MSH4: variants seen among roughly 807,000 people sequenced by gnomAD.
The protein encoded by MSH4 is mutS homolog 4.
A neutral mutation model predicts 113.7 loss-of-function variants in MSH4; 106 were observed. That is an observed-to-expected ratio of 0.93 (90% CI 0.80 to 1.10). MSH4 has a LOEUF of 1.10. Among genes scored for constraint, MSH4 ranks in the 50% least tolerant of loss-of-function variants. The pLI, the probability that MSH4 is intolerant of heterozygous loss-of-function variation, is 0.00. For missense variants in MSH4, 1,061 were observed against 1,093.7 expected, an observed-to-expected ratio of 0.97 and a Z score of 0.42; for synonymous variants, 368 against 380.2, an observed-to-expected ratio of 0.97 and a Z score of 0.37.
chr1:75,855,637 C>T (rs1651299541), intron 8 of MSH4, among the ~76,000 whole-genome samples: 1 of 152,120 alleles, frequency 6.6e-6, no homozygotes, highest in South Asian at 2.1e-4. Flanking sequence ...TGTGTTTCCT[C>T]TTCAAATGGT....
At chr1:75,848,380 G>C in intron 8 of MSH4, 104 bp downstream of exon 8, 1 of 888,814 alleles carries the variant, frequency 1.1e-6, no homozygotes. Flanking sequence ...TTTTGGGAAA[G>C]TCCTTCATTA....
intron 7 of MSH4, among the ~76,000 whole-genome samples, chr1:75,830,297 C>A (rs552521492): frequency 2.0e-5 from 3 of 152,034 alleles, no homozygotes; most frequent in Non-Finnish European, 2.9e-5. Context: ...TGTGAAAAAA[C>A]CAAATCTACA....
chr1:75,870,642 T>C lies in MSH4; in HGVS notation c.1305+3054T>C, dbSNP rs150602757. 1.5e-3 allele frequency among the ~76,000 whole-genome samples: 228 copies of C among 152,312 alleles called. 2 individuals carry two copies. The highest frequency in any genetic ancestry group is 5.3e-3 in the African/African-American group (221 of 41,554). Reference sequence around the variant, plus strand: ...CACATGTTCTTCTTGCCTGCTGCCATGTAAAACATGACTTTGCTCCTTATT... The same window carrying C: ...CACATGTTCTTCTTGCCTGCTGCCACGTAAAACATGACTTTGCTCCTTATT... On this transcript the variant is annotated intron_variant, in intron 9 of 19. Coordinates refer to ENST00000263187, the MANE Select transcript of MSH4 (RefSeq NM_002440.4).
At chr1:75,903,123 A>G (rs1652546844) in intron 19 of MSH4, among the ~76,000 whole-genome samples, 1 of 151,838 alleles carries the variant, frequency 6.6e-6, no homozygotes, top group Non-Finnish European at 1.5e-5. Context: ...CTTTGCCCAC[A>G]TTAATATCCT....
chr1:75,799,484 A>G (rs1278884082), intron 1 of MSH4, among the ~76,000 whole-genome samples: 1 of 152,236 alleles, frequency 6.6e-6, no homozygotes, highest in Non-Finnish European at 1.5e-5. Context: ...AGGTATAATT[A>G]AAGTATGGGG....
At chr1:75,816,290 A>T in intron 5 of MSH4, 83 bp from the exon 6 acceptor site, 1 of 969,174 alleles carries the variant, frequency 1.0e-6, no homozygotes, top group Non-Finnish European at 1.4e-6. Flanking sequence ...ATGCTATGCA[A>T]ATATTTATAA....
rs368026461 is a variant in MSH4, at chr1:75,856,930, C to T, written c.1230+8654C>T. 1.9e-4 allele frequency among the ~76,000 whole-genome samples: 29 copies of T among 152,244 alleles called. No homozygotes were observed. The South Asian group carries it at 5.2e-3, about 27-fold the overall frequency. Reference sequence around the variant, plus strand: ...CAGTGTAAAAGGGATCCTATTTCTCCACATCCTCTCCAGCATCTGTTGTTT... The same window carrying T: ...CAGTGTAAAAGGGATCCTATTTCTCTACATCCTCTCCAGCATCTGTTGTTT... On this transcript the variant is annotated intron_variant, in intron 8 of 19. Coordinates refer to ENST00000263187, the MANE Select transcript of MSH4 (RefSeq NM_002440.4).
intron 9 of MSH4, 56 bp from the exon 10 acceptor site, chr1:75,876,880 G>A (rs543946489): frequency 1.3e-5 from 13 of 995,548 alleles, no homozygotes; most frequent in Admixed American, 8.1e-5. Flanking sequence ...AAAATGATAT[G>A]TTTGAATGAT....
intron 19 of MSH4, among the ~76,000 whole-genome samples, chr1:75,907,585 A>T (rs573055798): frequency 1.7e-4 from 25 of 150,598 alleles, no homozygotes; most frequent in Non-Finnish European, 3.1e-4. Flanking sequence ...TCCTTTAAAT[A>T]GGCATTCTAC....
At chr1:75,798,660 G>A (rs553153906) in intron 1 of MSH4, among the ~76,000 whole-genome samples, 7 of 150,962 alleles carry the variant, frequency 4.6e-5, no homozygotes, top group East Asian at 3.9e-4. Flanking sequence ...GGGCTCAAGC[G>A]ATCCTCCCAC....
chr1:75,894,158 C>T (rs1409207502), intron 17 of MSH4, among the ~76,000 whole-genome samples: 1 of 152,192 alleles, frequency 6.6e-6, no homozygotes, highest in Non-Finnish European at 1.5e-5. Flanking sequence ...AAGGCCTTTA[C>T]TGCAGGCACT....
At chr1:75,895,576 T>A (rs893010122) in intron 17 of MSH4, among the ~76,000 whole-genome samples, 10 of 152,206 alleles carry the variant, frequency 6.6e-5, no homozygotes, top group Admixed American at 5.9e-4. Flanking sequence ...CCTCATTTGG[T>A]ATGATTTTTT....
intron 7 of MSH4, among the ~76,000 whole-genome samples, chr1:75,832,052 GA>G (rs1170854608): frequency 6.6e-6 from 1 of 152,044 alleles, no homozygotes; most frequent in African/African-American, 2.4e-5. Context: ...GATTAATAAA[GA>G]AGAAAAGAGA....
intron 17 of MSH4, among the ~76,000 whole-genome samples, chr1:75,897,545 G>C (rs1351028414): frequency 6.6e-6 from 1 of 151,988 alleles, no homozygotes. Flanking sequence ...TTTTTTGCAT[G>C]TGAGTTACCT....
chr1:75,852,527 A>G (rs2100549147), intron 8 of MSH4, among the ~76,000 whole-genome samples: 1 of 152,206 alleles, frequency 6.6e-6, no homozygotes, highest in East Asian at 1.9e-4. Flanking sequence ...ATTTCTCCAC[A>G]TCCTTGTCAA....
intron 2 of MSH4, among the ~76,000 whole-genome samples, chr1:75,805,721 G>A (rs1650045963): frequency 6.6e-6 from 1 of 151,982 alleles, no homozygotes; most frequent in Non-Finnish European, 1.5e-5. Context: ...CAGATATATT[G>A]CCAAGTTTCT....
At chr1:75,839,646 A>G (rs866884045) in intron 7 of MSH4, among the ~76,000 whole-genome samples, 1 of 152,032 alleles carries the variant, frequency 6.6e-6, no homozygotes, top group Non-Finnish European at 1.5e-5. Flanking sequence ...AGCAATGGCA[A>G]CAAAAGCCAA....
chr1:75,826,334 G>T (rs942502293), intron 7 of MSH4, among the ~76,000 whole-genome samples: 1 of 152,042 alleles, frequency 6.6e-6, no homozygotes, highest in African/African-American at 2.4e-5. Flanking sequence ...TTCTTATTGT[G>T]TCTATTTGAT....
intron 7 of MSH4, among the ~76,000 whole-genome samples, chr1:75,824,185 G>T (rs552703983): frequency 1.6e-4 from 24 of 152,170 alleles, no homozygotes; most frequent in African/African-American, 5.1e-4. Context: ...GCTTGAGCTG[G>T]TATCTCATTG....
Sources: allele counts gnomAD v4.1 joint callset (sites outside exome capture counted in the v4.1 genomes callset), GRCh38; gene constraint gnomAD v4.1.1; transcripts MANE v1.5; gene names NCBI Gene and HGNC (gene_info 2026-07-23, HGNC 2026-07-21).